MAP3K5: variants seen among roughly 807,000 people sequenced by gnomAD.
MAP3K5 encodes ASK-1.
Under a neutral mutation model 158.7 loss-of-function variants are expected in MAP3K5, and 56 were observed. The ratio of observed to expected loss-of-function variants is 0.35; its 90% CI spans 0.28 to 0.44. The LOEUF is 0.44. Among genes scored for constraint, MAP3K5 ranks in the 20% least tolerant of loss-of-function variants. MAP3K5 has a pLI of 1.00. For missense variants in MAP3K5, 1,294 were observed against 1,674.8 expected (o/e 0.77, Z 3.97); for synonymous variants, 579 against 601.7 (o/e 0.96, Z 0.55).
At chr6:136,762,232 G>A (rs1382789217) in intron 1 of MAP3K5, among the ~76,000 whole-genome samples, 1 of 152,162 alleles carries the variant, frequency 6.6e-6, no homozygotes, top group Non-Finnish European at 1.5e-5. Flanking sequence ...GAAGAGAAGA[G>A]AAGAGACAGA....
At chr6:136,600,171 C>T (rs1396647042) in intron 21 of MAP3K5, among the ~76,000 whole-genome samples, 1 of 151,458 alleles carries the variant, frequency 6.6e-6, no homozygotes, top group Non-Finnish European at 1.5e-5. Context: ...TAGGAAAATC[C>T]AACACCATGC....
chr6:136,671,078 A>C (rs1450153237), intron 7 of MAP3K5, among the ~76,000 whole-genome samples: 1 of 152,234 alleles, frequency 6.6e-6, no homozygotes, highest in Non-Finnish European at 1.5e-5. Flanking sequence ...TAGGAGAAGA[A>C]AGAAGTAGAC....
intron 1 of MAP3K5, among the ~76,000 whole-genome samples, chr6:136,752,117 T>C (rs868401252): frequency 3.3e-5 from 5 of 152,166 alleles, no homozygotes; most frequent in Non-Finnish European, 5.9e-5. Context: ...GTTCCCTCTC[T>C]CCCTCATTCA....
intron 1 of MAP3K5, among the ~76,000 whole-genome samples, chr6:136,745,752 A>G (rs1391306154): frequency 6.6e-6 from 1 of 152,190 alleles, no homozygotes; most frequent in Admixed American, 6.5e-5. Context: ...GGACATGAAA[A>G]AGAGCTCACA....
intron 26 of MAP3K5, among the ~76,000 whole-genome samples, chr6:136,563,163 A>G (rs1562507849): frequency 6.6e-6 from 1 of 152,140 alleles, no homozygotes; most frequent in Non-Finnish European, 1.5e-5. Flanking sequence ...GCTTTGGAAG[A>G]CTGTGCTTGC....
Position 136,677,446 on chromosome 6 carries a change from T to G in MAP3K5, c.1254-8051A>C, listed in dbSNP as rs1375101593. ...GCCACCGTACCTGGCAATCTCCACT[T>G]TAACTGAAGATGCTATCTCAGACAT... On this transcript the variant is annotated intron_variant, in intron 7 of 29. Coordinates refer to ENST00000359015, the MANE Select transcript of MAP3K5 (RefSeq NM_005923.4). Among the ~76,000 whole-genome samples the G allele has an allele frequency of 3.9e-5, 6 of 152,298 alleles. No homozygotes were observed. The South Asian group carries it at 8.3e-4, about 21-fold the overall frequency.
intron 26 of MAP3K5, among the ~76,000 whole-genome samples, chr6:136,564,109 C>G (rs1161940345): frequency 3.3e-5 from 5 of 152,182 alleles, no homozygotes; most frequent in Admixed American, 3.3e-4. Flanking sequence ...TTAAATGAGA[C>G]AGCATAGGTA....
intron 1 of MAP3K5, among the ~76,000 whole-genome samples, chr6:136,756,357 G>A (rs1328187879): frequency 1.3e-5 from 2 of 152,130 alleles, no homozygotes; most frequent in East Asian, 3.9e-4. Flanking sequence ...AGCTGGGCAT[G>A]GATGCTATAC....
At chr6:136,585,429 T>C (rs1775081303) in intron 23 of MAP3K5, among the ~76,000 whole-genome samples, 1 of 151,658 alleles carries the variant, frequency 6.6e-6, no homozygotes. Context: ...CAGATGGAAC[T>C]TTTCTCCTTT....
intron 7 of MAP3K5, among the ~76,000 whole-genome samples, chr6:136,691,535 C>T (rs1459099561): frequency 1.3e-5 from 2 of 151,848 alleles, no homozygotes; most frequent in African/African-American, 2.4e-5. Context: ...CGCTTGAACC[C>T]CGGAGGCAGA....
chr6:136,656,585 C>T (rs541501086), intron 9 of MAP3K5, 125 bp from the exon 10 acceptor site: 29 of 596,652 alleles, frequency 4.9e-5, no homozygotes, highest in Middle Eastern at 4.7e-4. Context: ...TCAGATTCAC[C>T]GTTATTCGTT....
chr6:136,754,380 C>A (rs959722421), intron 1 of MAP3K5, among the ~76,000 whole-genome samples: 1 of 152,066 alleles, frequency 6.6e-6, no homozygotes, highest in Non-Finnish European at 1.5e-5. Context: ...GAATTCAACA[C>A]CAGCCTGGGC....
At chr6:136,741,600 G>T (rs1203424672) in intron 1 of MAP3K5, among the ~76,000 whole-genome samples, 1 of 151,050 alleles carries the variant, frequency 6.6e-6, no homozygotes, top group Non-Finnish European at 1.5e-5. Context: ...GCTGTCCCCT[G>T]TCACCACTCC....
At chr6:136,559,530 A>G (rs1315755801) in intron 28 of MAP3K5, among the ~76,000 whole-genome samples, 2 of 152,240 alleles carry the variant, frequency 1.3e-5, no homozygotes, top group Admixed American at 1.3e-4. Context: ...TAGAAGTTCA[A>G]TGCTACATAG....
intron 2 of MAP3K5, among the ~76,000 whole-genome samples, chr6:136,712,380 A>G (rs929784578): frequency 6.6e-6 from 1 of 151,778 alleles, no homozygotes; most frequent in African/African-American, 2.4e-5. Context: ...CACTATGCTG[A>G]CCAGGCTGGT....
chr6:136,753,466 G>A (rs1198951502), intron 1 of MAP3K5, among the ~76,000 whole-genome samples: 1 of 151,776 alleles, frequency 6.6e-6, no homozygotes, highest in African/African-American at 2.4e-5. Flanking sequence ...GGGAAATTCT[G>A]TGGCAGCAAG....
At chr6:136,621,630 A>T (rs1434145559) in intron 15 of MAP3K5, among the ~76,000 whole-genome samples, 1 of 152,162 alleles carries the variant, frequency 6.6e-6, no homozygotes, top group African/African-American at 2.4e-5. Context: ...CTGGGCTGTG[A>T]ATTTTACAAG....
intron 1 of MAP3K5, among the ~76,000 whole-genome samples, chr6:136,775,601 A>AT (rs1484833122): frequency 6.6e-6 from 1 of 152,238 alleles, no homozygotes; most frequent in African/African-American, 2.4e-5. Flanking sequence ...ACCATGGAGA[A>AT]TAACCCAAAG....
chr6:136,779,827 G>T (rs1784544661), intron 1 of MAP3K5, among the ~76,000 whole-genome samples: 1 of 152,188 alleles, frequency 6.6e-6, no homozygotes, highest in South Asian at 2.1e-4. Context: ...AAACCTAGAG[G>T]ACTGACATCC....
Sources: gnomAD v4.1 joint callset for allele counts (sites outside exome capture counted in the v4.1 genomes callset) on GRCh38, gnomAD v4.1.1 for gene constraint, MANE v1.5 for transcripts, NCBI Gene and HGNC (gene_info 2026-07-23, HGNC 2026-07-21) for gene names.